The following APP variants were observed in gnomAD, a reference collection of about 807,000 sequenced individuals.
The protein encoded by APP is amyloid beta precursor protein, also known as amyloid-beta precursor protein.
Under a neutral mutation model 101.4 loss-of-function variants are expected in APP, and 31 were observed. That is an observed-to-expected ratio of 0.31 (90% CI 0.23 to 0.41). The LOEUF (loss-of-function observed/expected upper bound fraction) is 0.41. APP is among the 10% of genes least tolerant of loss of function. APP has a pLI of 1.00. For synonymous variants in APP, 366 were observed against 364.4 expected (o/e 1.00, Z -0.05); for missense variants, 839 against 1,003.7 (o/e 0.84, Z 2.22).
intron 9 of APP, among the ~76,000 whole-genome samples, chr21:25,979,389 A>G (rs1661696372): frequency 6.6e-6 from 1 of 152,238 alleles, no homozygotes; most frequent in Non-Finnish European, 1.5e-5. Flanking sequence ...GGATTTATCA[A>G]TCTTCAAAGA....
intron 11 of APP, among the ~76,000 whole-genome samples, chr21:25,956,339 T>C (rs931360348): frequency 6.6e-6 from 1 of 152,256 alleles, no homozygotes; most frequent in Non-Finnish European, 1.5e-5. Flanking sequence ...TTAAGTTCTT[T>C]CTAAGCTATC....
At chr21:26,139,702 G>A (rs1216526878) in intron 1 of APP, among the ~76,000 whole-genome samples, 1 of 152,098 alleles carries the variant, frequency 6.6e-6, no homozygotes, top group East Asian at 1.9e-4. Context: ...AGACCATCCT[G>A]GCCAACATGA....
At chr21:25,997,289 A>C (rs917910095) in intron 8 of APP, 71 bp downstream of exon 8, 38 of 1,390,192 alleles carry the variant, frequency 2.7e-5, no homozygotes, top group Non-Finnish European at 3.7e-5. Flanking sequence ...GAAGGTGATG[A>C]TGCTGGAGTT....
At chr21:26,164,062 T>C (rs969529720) in intron 1 of APP, among the ~76,000 whole-genome samples, 64 of 151,844 alleles carry the variant, frequency 4.2e-4, no homozygotes, top group Non-Finnish European at 6.6e-4. Context: ...CTGACCAACA[T>C]AGTGAAACCC....
intron 16 of APP, among the ~76,000 whole-genome samples, chr21:25,895,580 T>TTC (rs1240628748): frequency 6.6e-6 from 1 of 152,184 alleles, no homozygotes; most frequent in Non-Finnish European, 1.5e-5. Flanking sequence ...CCCTAAAAAA[T>TTC]TCTTTCAATT....
At position 26,112,084 on chromosome 21, in the gene APP, T is replaced by C; in HGVS notation, c.120A>G (p.Arg40=). Residue 40 remains arginine (R), a synonymous_variant, in exon 2 of 18, where the codon AGA becomes AGG. Coordinates refer to ENST00000346798, the MANE Select transcript of APP (RefSeq NM_000484.4). ...AEPQIAMFCG[R]LNMHMNVQNG... ...TCTGGACATTCATGTGCATGTTCAGTCTGCCACAGAACATGGCAATCTGGG... is the reference window on the plus strand; with the variant it reads ...TCTGGACATTCATGTGCATGTTCAGCCTGCCACAGAACATGGCAATCTGGG... 6.2e-7 allele frequency: 1 copy of C among 1,614,100 alleles called. No homozygotes were observed. The highest frequency in any genetic ancestry group is 8.5e-7 in the Non-Finnish European group (1 of 1,179,978).
At chr21:26,102,388 C>T (rs2062082241) in intron 2 of APP, among the ~76,000 whole-genome samples, 1 of 152,012 alleles carries the variant, frequency 6.6e-6, no homozygotes. Flanking sequence ...TGCGCCCGGC[C>T]AAAACTATGG....
At chr21:26,055,234 A>T (rs2045993216) in intron 3 of APP, among the ~76,000 whole-genome samples, 1 of 152,178 alleles carries the variant, frequency 6.6e-6, no homozygotes, top group Non-Finnish European at 1.5e-5. Flanking sequence ...GGGCCACATC[A>T]CGGGTTCTTT....
chr21:26,087,356 C>A (rs542116006), intron 3 of APP, among the ~76,000 whole-genome samples: 1 of 152,220 alleles, frequency 6.6e-6, no homozygotes, highest in Non-Finnish European at 1.5e-5. Context: ...AATGATTCAA[C>A]ACGCCAAGTA....
At chr21:25,884,190 T>C (rs957148587) in intron 17 of APP, among the ~76,000 whole-genome samples, 3 of 152,214 alleles carry the variant, frequency 2.0e-5, no homozygotes, top group Non-Finnish European at 4.4e-5. Flanking sequence ...CCCCGATTCT[T>C]ACGTTTCCAT....
chr21:25,947,766 G>A (rs2040886572), intron 13 of APP, among the ~76,000 whole-genome samples: 1 of 152,030 alleles, frequency 6.6e-6, no homozygotes, highest in African/African-American at 2.4e-5. Flanking sequence ...ATTTTGGGGG[G>A]CCAAGATGGG....
At chr21:25,999,649 C>T (rs45576235) in intron 7 of APP, among the ~76,000 whole-genome samples, 2,008 of 152,302 alleles carry the variant, frequency 0.013, 39 homozygotes, top group African/African-American at 0.045. Context: ...AACATGAACA[C>T]ATATGTACAC....
At chr21:25,974,817 T>G (rs1434342283) in intron 11 of APP, among the ~76,000 whole-genome samples, 1 of 152,188 alleles carries the variant, frequency 6.6e-6, no homozygotes, top group Non-Finnish European at 1.5e-5. Context: ...GCTTGCAATG[T>G]GAGTCCCTGG....
At chr21:26,120,848 AATCT>A (rs1200406308) in intron 1 of APP, among the ~76,000 whole-genome samples, 1 of 152,204 alleles carries the variant, frequency 6.6e-6, no homozygotes, top group Non-Finnish European at 1.5e-5. Context: ...TGAATACAAA[AATCT>A]TATAATTATA....
At chr21:26,041,014 A>G (rs1303370686) in intron 5 of APP, among the ~76,000 whole-genome samples, 1 of 152,244 alleles carries the variant, frequency 6.6e-6, no homozygotes, top group Non-Finnish European at 1.5e-5. Flanking sequence ...GTTAGCTCCC[A>G]CTTGGGACAG....
chr21:26,153,638 A>G (rs1368449146), intron 1 of APP, among the ~76,000 whole-genome samples: 1 of 152,094 alleles, frequency 6.6e-6, no homozygotes, highest in East Asian at 1.9e-4. Flanking sequence ...ACTCATTCCT[A>G]CAAGCCATGA....
At chr21:26,143,699 C>T (rs1459961975) in intron 1 of APP, among the ~76,000 whole-genome samples, 1 of 152,192 alleles carries the variant, frequency 6.6e-6, no homozygotes, top group Non-Finnish European at 1.5e-5. Context: ...CCAACATCGC[C>T]TCACTTCCCC....
chr21:26,154,723 A>G (rs1268157448), intron 1 of APP, among the ~76,000 whole-genome samples: 1 of 152,216 alleles, frequency 6.6e-6, no homozygotes, highest in Non-Finnish European at 1.5e-5. Context: ...TTGATCCTTA[A>G]AATGTGGGTG....
At chr21:26,165,455 AAGAC>A (rs1209002050) in intron 1 of APP, among the ~76,000 whole-genome samples, 1 of 152,164 alleles carries the variant, frequency 6.6e-6, no homozygotes, top group African/African-American at 2.4e-5. Flanking sequence ...AAAAGAAACA[AAGAC>A]AGAATTTATG....
Sources: allele counts gnomAD v4.1 joint callset (sites outside exome capture counted in the v4.1 genomes callset), GRCh38; gene constraint gnomAD v4.1.1; transcripts MANE v1.5; gene names NCBI Gene and HGNC (gene_info 2026-07-23, HGNC 2026-07-21).